The following HSCB variants were observed in gnomAD, a reference collection of about 807,000 sequenced individuals.
HSCB encodes iron-sulfur cluster co-chaperone protein HscB.
A neutral mutation model predicts 31.3 loss-of-function variants in HSCB; 23 were observed. The observed-to-expected ratio is 0.74, with a 90% CI of 0.53 to 1.04. The LOEUF is 1.04. HSCB is among the 50% of genes least tolerant of loss of function. The pLI is 0.00. For missense variants in HSCB, 297 were observed against 288.1 expected (o/e 1.03, Z -0.22); for synonymous variants, 110 against 104.5 (o/e 1.05, Z -0.32).
rs762090982 is a variant in HSCB at position 28,744,644 on chromosome 22, G to C, written c.363G>C (p.Ser121=). The C allele has an allele frequency of 1.2e-6, 2 of 1,613,774 alleles. No homozygotes were observed. Among genetic ancestry groups the C allele is most frequent in the South Asian group, 1.1e-5 (1 of 91,072 alleles). ...AAAAGGACTTCTCAGAGAAGCATTCGACCCTGGTGAATGATGCCTATAAGA... is the reference window on the plus strand; with the variant it reads ...AAAAGGACTTCTCAGAGAAGCATTCCACCCTGGTGAATGATGCCTATAAGA... ...QTEKDFSEKH[S]TLVNDAYKTL... Residue 121 remains serine (S), a synonymous_variant, in exon 3 of 6, where the codon TCG becomes TCC. Coordinates refer to ENST00000216027, the MANE Select transcript of HSCB (RefSeq NM_172002.5).
intron 3 of HSCB, chr22:28,745,542 A>C (rs1332050802): frequency 1.2e-5 from 2 of 168,016 alleles, no homozygotes. Flanking sequence ...GTGAGACTTC[A>C]TCTCAAAAAA....
chr22:28,743,792 C>A, intron 1 of HSCB, 90 bp from the exon 2 acceptor site: 1 of 1,056,510 alleles, frequency 9.5e-7, no homozygotes, highest in Non-Finnish European at 1.5e-6. Context: ...TATGTTATTG[C>A]ATCTTCCCCA....
chr22:28,745,507 A>G (rs1601389336), intron 3 of HSCB: 1 of 158,206 alleles, frequency 6.3e-6, no homozygotes, highest in East Asian at 1.9e-4. Context: ...AGATCACACC[A>G]CTGCACTCCA....
At chr22:28,748,340 A>G (rs1031204011) in intron 4 of HSCB, among the ~76,000 whole-genome samples, 3 of 152,072 alleles carry the variant, frequency 2.0e-5, no homozygotes, top group African/African-American at 4.8e-5. Flanking sequence ...ATTTGCCTCA[A>G]ATTCATCCAC....
intron 1 of HSCB, 75 bp downstream of exon 1, chr22:28,742,406 G>A (rs2054585361): frequency 6.4e-7 from 1 of 1,560,442 alleles, no homozygotes; most frequent in African/African-American, 1.4e-5. Context: ...GGGGAGGACG[G>A]ATCTGGCTGG....
chr22:28,743,668 C>G (rs890860212), intron 1 of HSCB, among the ~76,000 whole-genome samples: 3 of 152,174 alleles, frequency 2.0e-5, no homozygotes, highest in Non-Finnish European at 4.4e-5. Context: ...GATTACTCAT[C>G]ATCATTCAGG....
chr22:28,748,877 C>T (rs921194394), intron 4 of HSCB, among the ~76,000 whole-genome samples: 2 of 152,122 alleles, frequency 1.3e-5, no homozygotes, highest in Admixed American at 6.6e-5. Context: ...TGATGGCTTA[C>T]GCCTGTAATC....
Position 28,742,280 on chromosome 22 carries a change from G to C in HSCB, c.185G>C (p.Arg62Pro). ...GACAGGTTCTTCTGCCCACAGTGCC[G>C]AGCGCTGCAGGCACCTGACCCCACT... ...REDRFFCPQCRALQAPDPTRD... is the reference protein window; with the variant it reads ...REDRFFCPQCPALQAPDPTRD... The change falls in exon 1 of 6, where the codon CGA becomes CCA. Residue 62 changes from arginine (R) to proline (P), a missense_variant. Arg to Pro is a moderately radical substitution (Grantham distance 103, BLOSUM62 -2). Coordinates refer to ENST00000216027, the MANE Select transcript of HSCB (RefSeq NM_172002.5). The C allele has an allele frequency of 6.2e-7, 1 of 1,614,148 alleles. No individual in the cohort carries two copies.
chr22:28,753,755 G>A (rs943821159), intron 5 of HSCB, among the ~76,000 whole-genome samples: 7 of 149,842 alleles, frequency 4.7e-5, no homozygotes, highest in South Asian at 2.1e-4. Context: ...GGAGAATGGC[G>A]TGAACCTGGG....
At chr22:28,742,558 C>T in intron 1 of HSCB, 2 of 671,414 alleles carry the variant, frequency 3.0e-6, no homozygotes, top group Non-Finnish European at 4.6e-6. Context: ...ACGAACGGGA[C>T]TGGAGGGGCG....
chr22:28,742,228 G>C lies in HSCB; in HGVS notation c.133G>C (p.Gly45Arg). 6.2e-7 allele frequency: 1 copy of C among 1,613,934 alleles called. No homozygotes were observed. The highest frequency in any genetic ancestry group is 8.5e-7 in the Non-Finnish European group (1 of 1,179,976). ...CAATTATCCCCGCTGTTGGAACTGC[G>C]GCGGCCCATGGGGCCCCGGGCGGGA... ...GSNYPRCWNC[G>R]GPWGPGREDR... Residue 45 changes from glycine (G) to arginine (R), a missense_variant, in exon 1 of 6, where the codon GGC (glycine) becomes CGC (arginine). Gly to Arg is a moderately radical substitution (Grantham distance 125, BLOSUM62 -2). Transcript: ENST00000216027.
intron 5 of HSCB, among the ~76,000 whole-genome samples, chr22:28,751,677 C>T (rs1347601509): frequency 2.0e-5 from 3 of 149,372 alleles, no homozygotes; most frequent in East Asian, 2.0e-4. Context: ...ACCAGGGAGG[C>T]GGAAGTTGGA....
At chr22:28,752,429 C>CAAA (rs564221588) in intron 5 of HSCB, among the ~76,000 whole-genome samples, 1 of 65,970 alleles carries the variant, frequency 1.5e-5, no homozygotes, top group African/African-American at 5.5e-5. Flanking sequence ...GACTTTGTCT[C>CAAA]AAAAAAAAAA....
intron 4 of HSCB, among the ~76,000 whole-genome samples, chr22:28,750,262 A>C (rs1036305905): frequency 4.6e-5 from 7 of 151,624 alleles, no homozygotes; most frequent in Admixed American, 4.0e-4. Flanking sequence ...AAAAAAAAAA[A>C]AAAAAAAAAA....
chr22:28,745,459 G>A (rs1342418283), intron 3 of HSCB: 1 of 152,534 alleles, frequency 6.6e-6, no homozygotes, highest in African/African-American at 2.4e-5. Context: ...CTGAGGCAGA[G>A]AATTGCTTCC....
chr22:28,747,101 G>A (rs1265253848), intron 4 of HSCB, among the ~76,000 whole-genome samples: 1 of 152,004 alleles, frequency 6.6e-6, no homozygotes, highest in Non-Finnish European at 1.5e-5. Flanking sequence ...TAGATAAGCA[G>A]GCTGAAAGTC....
chr22:28,748,244 C>G (rs1004842287), intron 4 of HSCB, among the ~76,000 whole-genome samples: 1 of 152,200 alleles, frequency 6.6e-6, no homozygotes, highest in African/African-American at 2.4e-5. Context: ...ACCACTTGCA[C>G]AAGCGTAAAT....
chr22:28,744,330 T>C lies in HSCB; in HGVS notation c.334-285T>C, dbSNP rs1458571944. 2.6e-5 allele frequency among the ~76,000 whole-genome samples: 4 copies of C among 152,202 alleles called. No homozygotes were observed. The East Asian group carries it at 7.7e-4, about 29-fold the overall frequency. On this transcript the variant is annotated intron_variant, in intron 2 of 5. Transcript: ENST00000216027. Reference sequence around the variant, plus strand: ...ACTTTGGGAGGCCGAGGCAGGCAGATCACTTGAAGTCAGGAGTTCAAGACC... The same window carrying C: ...ACTTTGGGAGGCCGAGGCAGGCAGACCACTTGAAGTCAGGAGTTCAAGACC...
At chr22:28,743,818 G>A in intron 1 of HSCB, 64 bp from the exon 2 acceptor site, 1 of 1,383,468 alleles carries the variant, frequency 7.2e-7, no homozygotes, top group Admixed American at 1.7e-5. Flanking sequence ...GCAAGAACCA[G>A]GCTCATGGTA....
Sources: allele counts gnomAD v4.1 joint callset (sites outside exome capture counted in the v4.1 genomes callset), GRCh38; gene constraint gnomAD v4.1.1; transcripts MANE v1.5; gene names NCBI Gene and HGNC (gene_info 2026-07-23, HGNC 2026-07-21).